The following ADCY9 variants were observed in gnomAD, a reference collection of about 807,000 sequenced individuals.
ADCY9 encodes adenylate cyclase 9, also known as adenylate cyclase type 9.
Under a neutral mutation model 101.5 loss-of-function variants are expected in ADCY9, and 50 were observed. The observed-to-expected ratio is 0.49, with a 90% CI of 0.39 to 0.62. ADCY9 has a LOEUF of 0.62. ADCY9 is among the 20% of genes least tolerant of loss of function. The probability of loss-of-function intolerance (pLI) is 0.00; values close to 1 mark genes in which losing one functional copy is unlikely to be tolerated. For missense variants in ADCY9, 1,662 were observed against 1,800.4 expected (o/e 0.92, Z 1.39); for synonymous variants, 905 against 769.3 (o/e 1.18, Z -2.92).
chr16:4,066,050 C>T (rs2056799325), intron 2 of ADCY9, among the ~76,000 whole-genome samples: 1 of 152,212 alleles, frequency 6.6e-6, no homozygotes, highest in Admixed American at 6.5e-5. Context: ...CCACCTCCTG[C>T]TGCTGCCTCT....
intron 2 of ADCY9, among the ~76,000 whole-genome samples, chr16:4,086,078 C>T (rs1458002948): frequency 6.6e-6 from 1 of 151,888 alleles, no homozygotes; most frequent in Non-Finnish European, 1.5e-5. Context: ...CAGACGGCCG[C>T]GCGGAGAGCA....
At chr16:4,039,186 C>A (rs1476735421) in intron 2 of ADCY9, among the ~76,000 whole-genome samples, 1 of 152,136 alleles carries the variant, frequency 6.6e-6, no homozygotes, top group Non-Finnish European at 1.5e-5. Context: ...CTACCAGGCC[C>A]CAAGCCCCTT....
At chr16:3,983,033 TC>T (rs111252385) in intron 7 of ADCY9, 198 bp downstream of exon 7, 3 of 599,080 alleles carry the variant, frequency 5.0e-6, no homozygotes, top group East Asian at 2.8e-5. Context: ...AGCGAGGTGG[TC>T]CCCCCGCATC....
chr16:4,082,768 T>C (rs1293243349), intron 2 of ADCY9, among the ~76,000 whole-genome samples: 1 of 152,100 alleles, frequency 6.6e-6, no homozygotes, highest in Non-Finnish European at 1.5e-5. Flanking sequence ...ACACCATGCA[T>C]GCGCACACAC....
intron 2 of ADCY9, among the ~76,000 whole-genome samples, chr16:4,012,154 G>A (rs1312189765): frequency 3.3e-5 from 5 of 152,162 alleles, no homozygotes; most frequent in East Asian, 1.9e-4. Context: ...CTAGCTTTAC[G>A]AAGGTCAAAC....
chr16:4,081,464 A>G (rs2056901990), intron 2 of ADCY9, among the ~76,000 whole-genome samples: 1 of 152,264 alleles, frequency 6.6e-6, no homozygotes, highest in Non-Finnish European at 1.5e-5. Context: ...TACGTTTGTT[A>G]TAAGGTTTCT....
At chr16:3,981,494 G>A (rs2056142116) in intron 7 of ADCY9, among the ~76,000 whole-genome samples, 1 of 150,738 alleles carries the variant, frequency 6.6e-6, no homozygotes, top group African/African-American at 2.4e-5. Flanking sequence ...TAGTTACATA[G>A]TGGTGATATT....
intron 2 of ADCY9, among the ~76,000 whole-genome samples, chr16:4,101,567 T>C (rs2057043533): frequency 6.6e-6 from 1 of 152,190 alleles, no homozygotes; most frequent in Admixed American, 6.5e-5. Context: ...ACATGACCAC[T>C]GCACCTGGCC....
chr16:3,958,673 C>CT (rs1207846349), downstream of ADCY9, among the ~76,000 whole-genome samples: 1,401 of 102,944 alleles, frequency 0.014, 83 homozygotes, highest in Non-Finnish European at 0.018. Flanking sequence ...TCGTCGGTTA[C>CT]TTTTTTTTTT....
rs1170090126 is a variant in ADCY9 at position 4,110,376 on chromosome 16, C to CTTTTTTTT, written c.1693+3366_1693+3373dup. The stretch of plus-strand genomic sequence containing the variant: ...AGTTTTGCAATCATACTTATACCTA[C>CTTTTTTTT]TTTTTTTTTTTTTTTTTTTTTTTTT... On this transcript the variant is annotated intron_variant, in intron 2 of 10. Coordinates refer to ENST00000294016, the MANE Select transcript of ADCY9 (RefSeq NM_001116.4). 1.1e-4 allele frequency among the ~76,000 whole-genome samples: 12 copies of CTTTTTTTT among 110,740 alleles called. 3 individuals are homozygous for CTTTTTTTT. The highest frequency in any genetic ancestry group is 1.9e-4 in the Admixed American group (2 of 10,554). 72.6% of individuals were successfully genotyped at this position (110,740 alleles called of 152,430 possible).
At chr16:4,063,306 A>G (rs1274766029) in intron 2 of ADCY9, among the ~76,000 whole-genome samples, 2 of 152,208 alleles carry the variant, frequency 1.3e-5, no homozygotes, top group African/African-American at 2.4e-5. Context: ...ATGAAAAGAA[A>G]AACACAGCAG....
chr16:4,064,583 C>T (rs1215077416), intron 2 of ADCY9, among the ~76,000 whole-genome samples: 1 of 152,136 alleles, frequency 6.6e-6, no homozygotes, highest in African/African-American at 2.4e-5. Flanking sequence ...AGCAATCCTC[C>T]CACCTCAGTC....
Position 4,106,359 on chromosome 16 carries a change from C to G in ADCY9, c.1693+7391G>C, listed in dbSNP as rs1254666193. 3.9e-5 allele frequency among the ~76,000 whole-genome samples: 6 copies of G among 152,278 alleles called. No homozygotes were observed. In the East Asian group the frequency reaches 1.2e-3, roughly 29 times the overall value. On this transcript the variant is annotated intron_variant, in intron 2 of 10. Transcript: ENST00000294016. ...CTTGGCCCACACCACGGATGGCGGC[C>G]CCACATCCACCCTCTGATGCAGCCC...
intron 2 of ADCY9, among the ~76,000 whole-genome samples, chr16:4,047,104 C>A (rs2056670330): frequency 1.3e-5 from 2 of 152,094 alleles, no homozygotes; most frequent in Admixed American, 1.3e-4. Context: ...ACATTGAATG[C>A]TAATTTCTTC....
At chr16:4,110,288 C>T (rs969333840) in intron 2 of ADCY9, among the ~76,000 whole-genome samples, 1 of 151,758 alleles carries the variant, frequency 6.6e-6, no homozygotes, top group African/African-American at 2.4e-5. Context: ...CAGTGTTATA[C>T]GGCTCCATGA....
intron 2 of ADCY9, among the ~76,000 whole-genome samples, chr16:4,043,450 G>T (rs2056641373): frequency 6.6e-6 from 1 of 151,648 alleles, no homozygotes; most frequent in Non-Finnish European, 1.5e-5. Context: ...GAGGCAGGAG[G>T]ATCACTTGAG....
chr16:4,025,716 C>G (rs994152216), intron 2 of ADCY9, among the ~76,000 whole-genome samples: 2 of 152,154 alleles, frequency 1.3e-5, no homozygotes, highest in African/African-American at 4.8e-5. Flanking sequence ...AGGCAGAACC[C>G]GCAGCTCCAG....
At chr16:4,068,689 C>T (rs56123376) in intron 2 of ADCY9, among the ~76,000 whole-genome samples, 47,104 of 151,546 alleles carry the variant, frequency 0.31, 7,910 homozygotes, top group South Asian at 0.43. Flanking sequence ...TGGTGGCGGG[C>T]GCCTGTAGTC....
At chr16:4,066,330 CCTT>C (rs1355502606) in intron 2 of ADCY9, among the ~76,000 whole-genome samples, 1 of 152,186 alleles carries the variant, frequency 6.6e-6, no homozygotes, top group Non-Finnish European at 1.5e-5. Flanking sequence ...TTTTCCCACT[CCTT>C]GAGTATATTT....
Sources: allele counts gnomAD v4.1 joint callset (sites outside exome capture counted in the v4.1 genomes callset), GRCh38; gene constraint gnomAD v4.1.1; transcripts MANE v1.5; gene names NCBI Gene and HGNC (gene_info 2026-07-23, HGNC 2026-07-21).